SGCD: variants seen among roughly 807,000 people sequenced by gnomAD.
The protein encoded by SGCD is delta-sarcoglycan.
In SGCD, 18 loss-of-function variants were observed where a neutral mutation model predicts 36.6. That is an observed-to-expected ratio of 0.49 (90% confidence interval 0.34 to 0.73). SGCD has a LOEUF of 0.73. Among genes scored for constraint, SGCD ranks in the 30% least tolerant of loss-of-function variants. The pLI is 0.01. For synonymous variants in SGCD, 133 were observed against 130.6 expected (o/e 1.02, Z -0.12); for missense variants, 387 against 346.7 (o/e 1.12, Z -0.92).
At chr5:156,395,390 T>C (rs941896532) in intron 3 of SGCD, among the ~76,000 whole-genome samples, 2 of 152,230 alleles carry the variant, frequency 1.3e-5, no homozygotes, top group African/African-American at 4.8e-5. Context: ...TTTAATGACG[T>C]CCTGGCCATT....
chr5:155,956,202 T>A (rs1405667231), intron 1 of SGCD, among the ~76,000 whole-genome samples: 1 of 151,654 alleles, frequency 6.6e-6, no homozygotes, highest in Non-Finnish European at 1.5e-5. Context: ...GCTGAAGTAT[T>A]CCTGCTCATG....
chr5:156,245,942 T>C (rs1489573211), intron 3 of SGCD, among the ~76,000 whole-genome samples: 2 of 152,156 alleles, frequency 1.3e-5, no homozygotes, highest in Non-Finnish European at 2.9e-5. Flanking sequence ...GCTTCATTAA[T>C]GCAAGAAAAT....
At chr5:156,301,156 T>C (rs534891650) in intron 3 of SGCD, among the ~76,000 whole-genome samples, 1 of 152,154 alleles carries the variant, frequency 6.6e-6, no homozygotes, top group Non-Finnish European at 1.5e-5. Context: ...TCTATTATTG[T>C]CGTCTCTTAC....
the SGCD span, among the ~76,000 whole-genome samples, chr5:155,807,567 G>A: frequency 1.3e-5 from 2 of 152,332 alleles, no homozygotes; most frequent in South Asian, 2.1e-4. Context: ...ACTATGATCC[G>A]TTACTGGAGA....
At chr5:156,113,474 A>C (rs1420127283) in intron 1 of SGCD, among the ~76,000 whole-genome samples, 1 of 152,190 alleles carries the variant, frequency 6.6e-6, no homozygotes, top group Non-Finnish European at 1.5e-5. Flanking sequence ...GAGGTACAGA[A>C]TATCAGCCTC....
rs547555636 is a variant in SGCD at position 156,455,648 on chromosome 5, T to C, written c.193-52953T>C. Among the ~76,000 whole-genome samples, 56 of 152,244 alleles carry C rather than the reference T, an allele frequency of 3.7e-4. No homozygotes were observed. In the South Asian group the frequency reaches 0.011, roughly 29 times the overall value. The stretch of plus-strand genomic sequence containing the variant: ...CTTGCATAGAGGAAGAATGAAACAC[T>C]GGGGAACCAGCACTTTCTCCTGTCC... On this transcript the variant is annotated intron_variant, in intron 3 of 8. Coordinates refer to ENST00000337851, the MANE Select transcript of SGCD (RefSeq NM_000337.6).
chr5:156,406,560 A>C (rs916319881), intron 3 of SGCD, among the ~76,000 whole-genome samples: 4 of 150,796 alleles, frequency 2.7e-5, no homozygotes, highest in African/African-American at 9.8e-5. Context: ...TTCAAGTTTC[A>C]CCTCCACACA....
chr5:155,846,768 T>G, the SGCD span, among the ~76,000 whole-genome samples: 1 of 152,218 alleles, frequency 6.6e-6, no homozygotes, highest in Admixed American at 6.5e-5. Flanking sequence ...ATATTCTGCT[T>G]CTAATGCTGC....
intron 3 of SGCD, among the ~76,000 whole-genome samples, chr5:156,185,779 C>G (rs1444718520): frequency 7.0e-6 from 1 of 142,560 alleles, no homozygotes; most frequent in Non-Finnish European, 1.5e-5. Flanking sequence ...CTTTTAAAAA[C>G]AGTGGGCTGT....
intron 3 of SGCD, among the ~76,000 whole-genome samples, chr5:156,390,972 T>C (rs1300710677): frequency 6.6e-6 from 1 of 152,142 alleles, no homozygotes; most frequent in African/African-American, 2.4e-5. Context: ...GTAGCCTAAG[T>C]GTACCGTTTT....
At chr5:156,614,220 C>T (rs1216332975) in intron 6 of SGCD, among the ~76,000 whole-genome samples, 2 of 152,180 alleles carry the variant, frequency 1.3e-5, no homozygotes, top group Non-Finnish European at 2.9e-5. Flanking sequence ...GCTGGGATTA[C>T]AAGCATGAGC....
the SGCD span, among the ~76,000 whole-genome samples, chr5:155,800,535 AT>A: frequency 3.3e-5 from 5 of 151,732 alleles, no homozygotes; most frequent in African/African-American, 1.2e-4. Context: ...TATTTATGTG[AT>A]TTTGGGTTTC....
At chr5:155,938,910 C>A (rs1757269654) in intron 1 of SGCD, among the ~76,000 whole-genome samples, 1 of 152,202 alleles carries the variant, frequency 6.6e-6, no homozygotes, top group Non-Finnish European at 1.5e-5. Flanking sequence ...ATTTAAACAT[C>A]AAATCCTGTA....
chr5:155,823,628 A>G, the SGCD span, among the ~76,000 whole-genome samples: 11 of 152,176 alleles, frequency 7.2e-5, no homozygotes, highest in Admixed American at 2.6e-4. Context: ...CGGGAACACA[A>G]TGTGCATTAG....
intron 1 of SGCD, among the ~76,000 whole-genome samples, chr5:156,004,198 C>T (rs1332764467): frequency 3.3e-5 from 5 of 152,074 alleles, no homozygotes; most frequent in African/African-American, 1.2e-4. Flanking sequence ...CTAACAGCAA[C>T]CACATTTTAA....
At chr5:156,519,240 T>C (rs1581109227) in intron 4 of SGCD, among the ~76,000 whole-genome samples, 1 of 151,758 alleles carries the variant, frequency 6.6e-6, no homozygotes, top group Admixed American at 6.6e-5. Flanking sequence ...TAAAAGAAAT[T>C]GATAAATTCC....
At chr5:156,315,881 C>T (rs772450601) in intron 3 of SGCD, among the ~76,000 whole-genome samples, 2 of 151,860 alleles carry the variant, frequency 1.3e-5, no homozygotes, top group Non-Finnish European at 2.9e-5. Context: ...TATCTTTGCC[C>T]ATTTTTATTC....
intron 3 of SGCD, among the ~76,000 whole-genome samples, chr5:156,424,866 C>T (rs1289091242): frequency 1.3e-5 from 2 of 152,016 alleles, no homozygotes; most frequent in African/African-American, 2.4e-5. Flanking sequence ...ACTTAATTCC[C>T]TCAACAACTA....
intron 7 of SGCD, among the ~76,000 whole-genome samples, chr5:156,723,111 C>T (rs562765088): frequency 4.6e-5 from 7 of 152,204 alleles, no homozygotes; most frequent in Middle Eastern, 3.4e-3. Context: ...CCAAATTTAA[C>T]GGAAAGGACA....
Sources: allele counts gnomAD v4.1 joint callset (sites outside exome capture counted in the v4.1 genomes callset), GRCh38; gene constraint gnomAD v4.1.1; transcripts MANE v1.5; gene names NCBI Gene and HGNC (gene_info 2026-07-23, HGNC 2026-07-21).